The following PCDHGA2 variants were observed in gnomAD, a reference collection of about 807,000 sequenced individuals.
PCDHGA2 encodes the protein protocadherin gamma subfamily A, 2.
PCDHGA2 carries 40 observed loss-of-function variants against 59.2 expected under a neutral mutation model. The observed-to-expected ratio is 0.68, with a 90% confidence interval of 0.52 to 0.88. The LOEUF (loss-of-function observed/expected upper bound fraction) is 0.88. Among genes scored for constraint, PCDHGA2 ranks in the 40% least tolerant of loss-of-function variants. PCDHGA2 has a pLI of 0.00. For synonymous variants in PCDHGA2, 560 were observed against 526.0 expected (o/e 1.06, Z -0.89); for missense variants, 1,226 against 1,204.0 (o/e 1.02, Z -0.27).
Position 141,375,827 on chromosome 5 carries a change from G to T in PCDHGA2, c.2424+34432G>T, listed in dbSNP as rs779058063. On this transcript the variant is annotated intron_variant, in intron 1 of 3. Transcript: ENST00000394576. ...TGGCGTGGAGCTGGCGCCCCGCTCC[G>T]CAGAGCCCGGCTACCTGGTGACCAA... The T allele has an allele frequency of 4.3e-6, 7 of 1,614,136 alleles. No individual in the cohort carries two copies. The highest frequency in any genetic ancestry group is 2.7e-5 in the African/African-American group (2 of 75,070).
In PCDHGA2 at chr5:141,388,846, A is replaced by G. The variant is rs758753526; in HGVS notation, c.2424+47451A>G. ...TATTCCATAGTTTTGGAAGCAAGGG[A>G]CGGTGGAGGAATGATTGCGCAATGC... On this transcript the variant is annotated intron_variant, in intron 1 of 3. Coordinates refer to ENST00000394576, the MANE Select transcript of PCDHGA2 (RefSeq NM_018915.4). The G allele has an allele frequency of 5.6e-6, 9 of 1,613,870 alleles. No homozygotes were observed. In the East Asian group the frequency reaches 2.0e-4, roughly 36 times the overall value.
At chr5:141,343,890 G>A (rs1757337534) in intron 1 of PCDHGA2, 2 of 693,076 alleles carry the variant, frequency 2.9e-6, no homozygotes, top group South Asian at 2.7e-5. Context: ...ATCCGGGGCG[G>A]CTGCCAACCT....
intron 2 of PCDHGA2, among the ~76,000 whole-genome samples, chr5:141,498,848 G>T (rs930895553): frequency 6.6e-6 from 1 of 151,908 alleles, no homozygotes; most frequent in African/African-American, 2.4e-5. Context: ...CAGGGGAATC[G>T]CTTGAACCCA....
At chr5:141,430,977 A>C (rs761722055) in intron 1 of PCDHGA2, 1 of 1,613,290 alleles carries the variant, frequency 6.2e-7, no homozygotes, top group South Asian at 1.1e-5. Context: ...GGTAGGACGC[A>C]GCTTTTCGCC....
intron 1 of PCDHGA2, chr5:141,389,425 C>T (rs1464186383): frequency 3.1e-6 from 5 of 1,613,500 alleles, no homozygotes; most frequent in Admixed American, 1.7e-5. Flanking sequence ...GTGGTGTTCG[C>T]GCAGCGCGCC....
rs746242389 is a variant in PCDHGA2 at position 141,491,254 on chromosome 5, G to C, written c.2425-3553G>C. 3 of 1,614,080 alleles carry C rather than the reference G, an allele frequency of 1.9e-6. No individual in the cohort carries two copies. In the African/African-American group the frequency reaches 4.0e-5, roughly 22 times the overall value. On this transcript the variant is annotated intron_variant, in intron 1 of 3. Transcript: ENST00000394576. This position sits in a 1 kb window ranked among gnomAD's most constrained non-coding sequence, Gnocchi z 6.9. ...GCTGGTTCTGGAGGATGAGGACCCT[G>C]AGGAAATGCCCAAATCCAGTGACTT...
At chr5:141,386,640 A>G (rs1313920703) in intron 1 of PCDHGA2, among the ~76,000 whole-genome samples, 2 of 151,864 alleles carry the variant, frequency 1.3e-5, no homozygotes, top group African/African-American at 4.8e-5. Flanking sequence ...CCCAGGCTGG[A>G]TACATTTTAC....
At chr5:141,460,088 A>C (rs1225262213) in intron 1 of PCDHGA2, among the ~76,000 whole-genome samples, 2 of 151,990 alleles carry the variant, frequency 1.3e-5, no homozygotes, top group Non-Finnish European at 2.9e-5. Flanking sequence ...AAAAATAATA[A>C]TTATACATGT....
chr5:141,356,961 G>A, intron 1 of PCDHGA2: 1 of 1,614,234 alleles, frequency 6.2e-7, no homozygotes, highest in South Asian at 1.1e-5. Flanking sequence ...CCGGCTACCT[G>A]GTGACCAAAG....
At chr5:141,419,527 C>T (rs755936657) in intron 1 of PCDHGA2, 4 of 1,612,064 alleles carry the variant, frequency 2.5e-6, no homozygotes, top group Non-Finnish European at 2.5e-6. Context: ...GCGACCGTAA[C>T]GACAACGCAC....
chr5:141,486,823 A>G lies in PCDHGA2; in HGVS notation c.2425-7984A>G, dbSNP rs778308736. On this transcript the variant is annotated intron_variant, in intron 1 of 3. Coordinates refer to ENST00000394576, the MANE Select transcript of PCDHGA2 (RefSeq NM_018915.4). The surrounding 1 kb of genome is among the most constrained non-coding windows in gnomAD (Gnocchi z 5.0). Reference sequence around the variant, plus strand: ...ACCCACCCCTTAGCAGCACTGTAACAGTTCGTCTATTTGTGCTGGACCTCA... The same window carrying G: ...ACCCACCCCTTAGCAGCACTGTAACGGTTCGTCTATTTGTGCTGGACCTCA... 1.2e-6 allele frequency: 2 copies of G among 1,614,104 alleles called. No individual in the cohort carries two copies. Among genetic ancestry groups the G allele is most frequent in the Admixed American group, 1.7e-5 (1 of 60,008 alleles).
rs1267617024 is a variant in PCDHGA2 at position 141,476,542 on chromosome 5, G to T, written c.2425-18265G>T. The T allele has an allele frequency of 6.2e-7, 1 of 1,614,210 alleles. No individual in the cohort carries two copies. The highest frequency in any genetic ancestry group is 1.7e-5 in the Admixed American group (1 of 60,036). On this transcript the variant is annotated intron_variant, in intron 1 of 3. Transcript: ENST00000394576. This position sits in a 1 kb window ranked among gnomAD's most constrained non-coding sequence, Gnocchi z 7.6. ...CTTTCCCTACCCAGGAAATGAAATT[G>T]GAGATTAGCGAGGCCGTGGCTCCGG...
At chr5:141,414,520 A>G in intron 1 of PCDHGA2, 1 of 1,613,990 alleles carries the variant, frequency 6.2e-7, no homozygotes, top group Non-Finnish European at 8.5e-7. Flanking sequence ...AGTGGCAGAT[A>G]TCAATGACAA....
intron 1 of PCDHGA2, chr5:141,419,788 A>G (rs750179874): frequency 6.2e-7 from 1 of 1,614,054 alleles, no homozygotes; most frequent in Non-Finnish European, 8.5e-7. Context: ...AGCGCCTGCT[A>G]GTCGCTGTAA....
chr5:141,368,992 C>T (rs1228600699), intron 1 of PCDHGA2, among the ~76,000 whole-genome samples: 4 of 152,202 alleles, frequency 2.6e-5, no homozygotes, highest in South Asian at 2.1e-4. Context: ...AAGGTGAATT[C>T]GGTGTGGAAC....
chr5:141,499,012 G>GGAAGGAAT, intron 2 of PCDHGA2, among the ~76,000 whole-genome samples: 1 of 147,618 alleles, frequency 6.8e-6, no homozygotes. Context: ...AAGGAAGGAA[G>GGAAGGAAT]GAAGGAAGGA....
chr5:141,369,443 G>T (rs1052997530), intron 1 of PCDHGA2, among the ~76,000 whole-genome samples: 1 of 152,056 alleles, frequency 6.6e-6, no homozygotes, highest in Non-Finnish European at 1.5e-5. Context: ...GAGGTGGGAG[G>T]ATTGCTTAAA....
chr5:141,383,387 G>A lies in PCDHGA2; in HGVS notation c.2424+41992G>A, dbSNP rs1779095569. ...AGCGAGGCTGGGGATCCAGATGTGG[G>A]CACGAACTCCCTCCAGAGTTACCAG... is the stretch of plus-strand genomic sequence containing the variant. On this transcript the variant is annotated intron_variant, in intron 1 of 3. Coordinates refer to ENST00000394576, the MANE Select transcript of PCDHGA2 (RefSeq NM_018915.4). 3.7e-6 allele frequency: 6 copies of A among 1,614,010 alleles called. No individual in the cohort carries two copies. The East Asian group carries it at 1.3e-4, about 36-fold the overall frequency.
intron 1 of PCDHGA2, among the ~76,000 whole-genome samples, chr5:141,451,365 G>C (rs557753113): frequency 2.0e-5 from 3 of 152,116 alleles, no homozygotes; most frequent in Non-Finnish European, 4.4e-5. Context: ...GGATGGATCC[G>C]CTTCTAATCT....
Sources: allele counts gnomAD v4.1 joint callset (sites outside exome capture counted in the v4.1 genomes callset), GRCh38; gene constraint gnomAD v4.1.1; non-coding constraint Gnocchi (gnomAD v3.1); transcripts MANE v1.5; gene names NCBI Gene and HGNC (gene_info 2026-07-23, HGNC 2026-07-21).